GPBP1L1: variants seen among roughly 807,000 people sequenced by gnomAD.
The protein encoded by GPBP1L1 is vasculin-like protein 1.
GPBP1L1 carries 23 observed loss-of-function variants against 52.5 expected under a neutral mutation model. That is an observed-to-expected ratio of 0.44 (90% CI 0.32 to 0.62). The LOEUF is 0.62. GPBP1L1 is among the 20% of genes least tolerant of loss of function. The pLI is 0.06. For synonymous variants in GPBP1L1, 243 were observed against 203.1 expected, an observed-to-expected ratio of 1.20 and a Z score of -1.67; for missense variants, 596 against 579.3, an observed-to-expected ratio of 1.03 and a Z score of -0.30.
intron 10 of GPBP1L1, among the ~76,000 whole-genome samples, chr1:45,632,394 C>T (rs1644541690): frequency 6.6e-6 from 1 of 151,964 alleles, no homozygotes; most frequent in Admixed American, 6.6e-5. Context: ...CAGAGTGAAA[C>T]TCCATCTCAA....
chr1:45,676,658 C>G (rs1437738993), intron 2 of GPBP1L1, among the ~76,000 whole-genome samples: 1 of 146,978 alleles, frequency 6.8e-6, no homozygotes, highest in Non-Finnish European at 1.5e-5. Context: ...TGCAGTGAGC[C>G]GAGACTGCAC....
intron 6 of GPBP1L1, chr1:45,654,184 T>C (rs771893975): frequency 1.1e-5 from 2 of 176,184 alleles, no homozygotes; most frequent in Non-Finnish European, 1.2e-5. Context: ...TTTTATGTGA[T>C]AGAGAACAAA....
At chr1:45,669,793 C>T (rs1348780773) in intron 2 of GPBP1L1, among the ~76,000 whole-genome samples, 1 of 152,144 alleles carries the variant, frequency 6.6e-6, no homozygotes, top group Non-Finnish European at 1.5e-5. Flanking sequence ...TTAGTAAATA[C>T]AAGGATTCAA....
chr1:45,674,713 T>C (rs998794888), intron 2 of GPBP1L1, among the ~76,000 whole-genome samples: 1 of 152,246 alleles, frequency 6.6e-6, no homozygotes, highest in Non-Finnish European at 1.5e-5. Flanking sequence ...AAACACCTGA[T>C]ACTGTACAGG....
intron 2 of GPBP1L1, among the ~76,000 whole-genome samples, chr1:45,663,091 A>G (rs1644966617): frequency 6.6e-6 from 1 of 151,550 alleles, no homozygotes; most frequent in African/African-American, 2.4e-5. Flanking sequence ...TTGTTTTTAT[A>G]TAAGCCTACA....
At chr1:45,633,381 CTG>C in intron 10 of GPBP1L1, 106 bp downstream of exon 10, 1 of 1,158,030 alleles carries the variant, frequency 8.6e-7, no homozygotes, top group Admixed American at 2.0e-5. Context: ...GACAGTATCT[CTG>C]TACATTTAAA....
chr1:45,633,652 G>A lies in GPBP1L1; in HGVS notation c.886-5C>T. ...AGGGGTGGTGCTGGAGGGACTCTGGGCAAATACCACAAACAGGTTGCTCCT... is the reference window on the plus strand; with the variant it reads ...AGGGGTGGTGCTGGAGGGACTCTGGACAAATACCACAAACAGGTTGCTCCT... On this transcript the variant is annotated splice_region_variant and splice_polypyrimidine_tract_variant and intron_variant, in intron 9 of 12. Coordinates refer to ENST00000355105, the MANE Select transcript of GPBP1L1 (RefSeq NM_021639.5). 6.2e-7 allele frequency: 1 copy of A among 1,613,146 alleles called. No homozygotes were observed. The highest frequency in any genetic ancestry group is 1.1e-5 in the South Asian group (1 of 91,012).
Position 45,642,480 on chromosome 1 carries a change from G to A in GPBP1L1, c.497C>T (p.Ala166Val), listed in dbSNP as rs1461720930. The change falls in exon 7 of 13, where the codon GCT (alanine) becomes GTT (valine). Residue 166 changes from alanine to valine, a missense_variant. Ala to Val is a moderately conservative substitution (Grantham distance 64). Transcript: ENST00000355105. ...EEDFPSLNPE[A>V]GKQHQPCRPI... ...TCTGCATGGCTGATGCTGTTTGCCA[G>A]CTTCTGGATTCAAGGAAGGCTAGGA... The A allele has an allele frequency of 1.2e-6, 2 of 1,613,834 alleles. No individual in the cohort carries two copies. The highest frequency in any genetic ancestry group is 2.7e-5 in the African/African-American group (2 of 74,910).
intron 2 of GPBP1L1, among the ~76,000 whole-genome samples, chr1:45,682,286 G>A (rs1645220953): frequency 6.6e-6 from 1 of 152,106 alleles, no homozygotes; most frequent in Non-Finnish European, 1.5e-5. Context: ...AACTTAAGCA[G>A]AAACAGAGTT....
At chr1:45,637,543 G>GTTTTTTT (rs1553179402) in intron 8 of GPBP1L1, among the ~76,000 whole-genome samples, 18 of 98,634 alleles carry the variant, frequency 1.8e-4, no homozygotes, top group East Asian at 6.6e-4. Context: ...CTTTATATTA[G>GTTTTTTT]TTTTCCAATC....
intron 8 of GPBP1L1, among the ~76,000 whole-genome samples, chr1:45,635,898 G>T (rs946906123): frequency 4.6e-5 from 7 of 152,020 alleles, no homozygotes; most frequent in African/African-American, 1.7e-4. Flanking sequence ...TTCCTTTTGG[G>T]TTTATCAAAT....
chr1:45,646,162 CTT>C (rs1239768120), intron 6 of GPBP1L1: 5 of 368,218 alleles, frequency 1.4e-5, no homozygotes, highest in Non-Finnish European at 1.0e-5. Flanking sequence ...TGGTGATACT[CTT>C]GAGAGCAACA....
intron 7 of GPBP1L1, 103 bp downstream of exon 7, chr1:45,642,324 G>T: frequency 1.2e-6 from 1 of 807,666 alleles, no homozygotes; most frequent in Non-Finnish European, 2.1e-6. Flanking sequence ...GCAAATGCAT[G>T]AGATGAGAAA....
Position 45,633,495 on chromosome 1 carries a change from C to T in GPBP1L1, c.1038G>A (p.Leu346=). The T allele has an allele frequency of 6.2e-7, 1 of 1,613,780 alleles. No homozygotes were observed. The highest frequency in any genetic ancestry group is 8.5e-7 in the Non-Finnish European group (1 of 1,179,934). ...AAAAGGCGGATGCTCTTACATCTTC[C>T]AGCTTGTCACAGTCTCTATTCTCTG... ...DFSENRDCDK[L]EDLEDNSTPE... is the part of the protein sequence containing the mutation. The change falls in exon 10 of 13, where the codon CTG becomes CTA. Residue 346 remains leucine (L), a synonymous_variant. Transcript: ENST00000355105.
intron 6 of GPBP1L1, chr1:45,651,508 CT>C: frequency 2.0e-6 from 1 of 491,052 alleles, no homozygotes; most frequent in Non-Finnish European, 3.7e-6. Context: ...CTTTCTCTTG[CT>C]TTGCCTCTGA....
chr1:45,627,911 G>A lies in GPBP1L1; in HGVS notation c.*345C>T, dbSNP rs1260020217. 2 of 184,804 alleles carry A rather than the reference G, an allele frequency of 1.1e-5. No individual in the cohort carries two copies. The highest frequency in any genetic ancestry group is 2.2e-5 in the Non-Finnish European group (2 of 89,318). 11.4% of individuals were successfully genotyped at this position (184,804 alleles called of 1,614,324 possible). The stretch of plus-strand genomic sequence containing the variant: ...TGATCACAGGGGTGAGTGCCCCAAG[G>A]GCTGGTAGTAGAAGCTGTTGCTGCA... On this transcript the variant is annotated 3_prime_UTR_variant, in exon 13 of 13. Coordinates refer to ENST00000355105, the MANE Select transcript of GPBP1L1 (RefSeq NM_021639.5).
intron 10 of GPBP1L1, 86 bp from the exon 11 acceptor site, chr1:45,630,692 C>A: frequency 6.8e-7 from 1 of 1,461,074 alleles, no homozygotes; most frequent in Non-Finnish European, 9.3e-7. Context: ...GACTCACGAC[C>A]CAGGAAGTGT....
intron 11 of GPBP1L1, among the ~76,000 whole-genome samples, chr1:45,629,950 C>A (rs1002285048): frequency 6.7e-6 from 1 of 149,858 alleles, no homozygotes; most frequent in African/African-American, 2.4e-5. Context: ...CACTTGCAGT[C>A]TGGCTTTTTT....
chr1:45,677,163 C>T (rs1324174538), intron 2 of GPBP1L1, among the ~76,000 whole-genome samples: 1 of 151,776 alleles, frequency 6.6e-6, no homozygotes, highest in African/African-American at 2.4e-5. Context: ...TGGTGAAACC[C>T]CATCTCTACT....
Sources: allele counts gnomAD v4.1 joint callset (sites outside exome capture counted in the v4.1 genomes callset), GRCh38; gene constraint gnomAD v4.1.1; transcripts MANE v1.5; gene names NCBI Gene and HGNC (gene_info 2026-07-23, HGNC 2026-07-21).